The following ANKS1B variants were observed in gnomAD, a reference collection of about 807,000 sequenced individuals.
ANKS1B encodes the protein ankyrin repeat and sterile alpha motif domain-containing protein 1B.
In ANKS1B, 36 loss-of-function variants were observed where a neutral mutation model predicts 148.3. The ratio of observed to expected loss-of-function variants is 0.24; its 90% confidence interval spans 0.19 to 0.32. The LOEUF is 0.32. Ranked by LOEUF, ANKS1B falls within the 10% of genes least tolerant of loss-of-function variation. The pLI, the probability that ANKS1B is intolerant of heterozygous loss-of-function variation, is 1.00. For missense variants in ANKS1B, 1,157 were observed against 1,542.6 expected, an observed-to-expected ratio of 0.75 and a Z score of 4.19; for synonymous variants, 542 against 560.8, an observed-to-expected ratio of 0.97 and a Z score of 0.47.
At chr12:99,433,754 A>T (rs545456676) in intron 11 of ANKS1B, among the ~76,000 whole-genome samples, 70 of 152,276 alleles carry the variant, frequency 4.6e-4, no homozygotes, top group African/African-American at 1.6e-3. Flanking sequence ...GCACATAAAC[A>T]GCATTGAAAG....
At position 98,744,192 on chromosome 12, in the gene ANKS1B, A is replaced by G. The variant is rs1270382262; in HGVS notation, c.*1547T>C. ...TGCTACATACATATCAACAGTGAATAGGCAAAATATATACAAGGAACTGTT... is the reference window on the plus strand; with the variant it reads ...TGCTACATACATATCAACAGTGAATGGGCAAAATATATACAAGGAACTGTT... On this transcript the variant is annotated 3_prime_UTR_variant, in exon 27 of 27. Coordinates refer to ENST00000683438, the MANE Select transcript of ANKS1B (RefSeq NM_001352186.2). 1.0e-6 allele frequency: 1 copy of G among 977,858 alleles called. No homozygotes were observed. Among genetic ancestry groups the G allele is most frequent in the Non-Finnish European group, 1.2e-6 (1 of 822,718 alleles). 60.6% of individuals were successfully genotyped at this position (977,858 alleles called of 1,614,324 possible).
intron 17 of ANKS1B, among the ~76,000 whole-genome samples, chr12:99,000,125 A>T (rs1006639056): frequency 6.6e-6 from 1 of 152,116 alleles, no homozygotes; most frequent in Admixed American, 6.5e-5. Context: ...TAAGGAAAAA[A>T]TAGAAAAGGC....
rs1555338103 is a variant in ANKS1B, at chr12:98,800,675, G to GAGATATATATATATATATAT, written c.3270+321_3270+322insATATATATATATATATATCT. Among the ~76,000 whole-genome samples the GAGATATATATATATATATAT allele has an allele frequency of 2.0e-5, 2 of 99,654 alleles. 1 individual carries two copies. Among genetic ancestry groups the GAGATATATATATATATATAT allele is most frequent in the African/African-American group, 6.8e-5 (2 of 29,450 alleles). 65.4% of individuals were successfully genotyped at this position (99,654 alleles called of 152,430 possible). A position where few individuals can be genotyped will look rare whatever the true frequency, so the allele number is the denominator to read the frequency against. On this transcript the variant is annotated intron_variant, in intron 21 of 26. Transcript: ENST00000683438. ...ACCCAGTGTTTGGTGAGTGAGCAGA[G>GAGATATATATATATATATAT]ATATATATATATATATGCCATATTT...
intron 14 of ANKS1B, among the ~76,000 whole-genome samples, chr12:99,177,090 C>A (rs1360392228): frequency 6.6e-6 from 1 of 152,170 alleles, no homozygotes; most frequent in Non-Finnish European, 1.5e-5. Flanking sequence ...TCACTGAACA[C>A]AGCCATAGAC....
chr12:99,519,936 G>C (rs1389370847), intron 9 of ANKS1B, among the ~76,000 whole-genome samples: 2 of 152,218 alleles, frequency 1.3e-5, no homozygotes, highest in East Asian at 3.9e-4. Flanking sequence ...CATGCAAAAA[G>C]TAAACTAATG....
intron 9 of ANKS1B, among the ~76,000 whole-genome samples, chr12:99,584,818 C>A (rs1276839785): frequency 6.6e-6 from 1 of 152,028 alleles, no homozygotes; most frequent in Non-Finnish European, 1.5e-5. Context: ...TCGCGTGAGA[C>A]TTATTCACTA....
intron 15 of ANKS1B, among the ~76,000 whole-genome samples, chr12:99,101,608 C>A (rs538969902): frequency 1.3e-5 from 2 of 152,184 alleles, no homozygotes; most frequent in South Asian, 4.1e-4. Context: ...ATTACCCAGG[C>A]TGGAGTGCAA....
chr12:99,946,056 G>A (rs768041970), intron 1 of ANKS1B, among the ~76,000 whole-genome samples: 3 of 152,184 alleles, frequency 2.0e-5, no homozygotes, highest in South Asian at 2.1e-4. Context: ...CTCTGGTGGT[G>A]TTAACTCACT....
At chr12:98,976,773 C>A (rs1460262882) in intron 17 of ANKS1B, 1 of 152,138 alleles carries the variant, frequency 6.6e-6, no homozygotes, top group Non-Finnish European at 1.5e-5. Flanking sequence ...AGGGCATATG[C>A]TAAGTCTTAT....
At position 99,811,843 on chromosome 12, in the gene ANKS1B, C is replaced by T. The variant is rs2068415800; in HGVS notation, c.372+312G>A. ...AAGAAACATTGTAATTCTCATTACA[C>T]ATATGAATTCTGTTCTATCTTTAAA... On this transcript the variant is annotated intron_variant, in intron 3 of 26. Coordinates refer to ENST00000683438, the MANE Select transcript of ANKS1B (RefSeq NM_001352186.2). Among the ~76,000 whole-genome samples, 3 of 151,854 alleles carry T rather than the reference C, an allele frequency of 2.0e-5. No homozygotes were observed. In the South Asian group the frequency reaches 6.2e-4, roughly 31 times the overall value.
At chr12:99,063,690 A>G (rs1411925866) in intron 16 of ANKS1B, among the ~76,000 whole-genome samples, 4 of 152,214 alleles carry the variant, frequency 2.6e-5, no homozygotes, top group Admixed American at 1.3e-4. Context: ...GATTTCACGC[A>G]TGTCACCTCA....
rs779756817 is a variant in ANKS1B at position 99,775,602 on chromosome 12, T to C, written c.907A>G (p.Thr303Ala). The C allele has an allele frequency of 9.3e-6, 15 of 1,613,296 alleles. No homozygotes were observed. The highest frequency in any genetic ancestry group is 1.7e-5 in the Admixed American group (1 of 60,000). The change falls in exon 7 of 27, where the codon ACA becomes GCA. Residue 303 changes from threonine (T) to alanine (A), a missense_variant. Physicochemically the swap from Thr to Ala is moderately conservative, Grantham distance 58. Transcript: ENST00000683438. ...GGAGATGAAATGTGTGTTTCTTGTG[T>C]TGCATCTTCCTGTACAGGCTCTTCG... ...VLEEPVQEDA[T>A]QETHISSPVE...
At chr12:99,698,824 G>A (rs1424851769) in intron 8 of ANKS1B, among the ~76,000 whole-genome samples, 4 of 151,938 alleles carry the variant, frequency 2.6e-5, no homozygotes, top group South Asian at 2.1e-4. Context: ...AATTACCATC[G>A]ATTTCTCTCC....
intron 20 of ANKS1B, among the ~76,000 whole-genome samples, chr12:98,805,628 A>G (rs929915268): frequency 1.3e-5 from 2 of 152,238 alleles, no homozygotes; most frequent in Non-Finnish European, 2.9e-5. Context: ...AAAAAGCTTC[A>G]CAAAATACAG....
intron 16 of ANKS1B, among the ~76,000 whole-genome samples, chr12:99,054,597 G>T (rs1255498699): frequency 6.6e-6 from 1 of 152,096 alleles, no homozygotes; most frequent in African/African-American, 2.4e-5. Flanking sequence ...GGAGTGCAGT[G>T]GTGTGATCTC....
At chr12:99,233,414 T>C (rs546689092) in intron 14 of ANKS1B, among the ~76,000 whole-genome samples, 36 of 152,120 alleles carry the variant, frequency 2.4e-4, no homozygotes, top group Non-Finnish European at 3.2e-4. Context: ...AAACCTGTTA[T>C]CTGAAAGGAT....
intron 14 of ANKS1B, among the ~76,000 whole-genome samples, chr12:99,243,221 T>C (rs2089680463): frequency 6.6e-6 from 1 of 152,242 alleles, no homozygotes; most frequent in Non-Finnish European, 1.5e-5. Context: ...GCAAAGGTTA[T>C]GAACAGACAC....
intron 14 of ANKS1B, among the ~76,000 whole-genome samples, chr12:99,177,935 T>G (rs1408166544): frequency 6.6e-6 from 1 of 152,230 alleles, no homozygotes; most frequent in Non-Finnish European, 1.5e-5. Flanking sequence ...GATAGATCTT[T>G]GTTTGTTTCA....
chr12:98,855,112 T>C (rs900082720), intron 17 of ANKS1B, among the ~76,000 whole-genome samples: 3 of 150,974 alleles, frequency 2.0e-5, no homozygotes, highest in African/African-American at 7.4e-5. Flanking sequence ...TGAGCTGAGA[T>C]TGCGCCACTG....
Sources: allele counts gnomAD v4.1 joint callset (sites outside exome capture counted in the v4.1 genomes callset), GRCh38; gene constraint gnomAD v4.1.1; transcripts MANE v1.5; gene names NCBI Gene and HGNC (gene_info 2026-07-23, HGNC 2026-07-21).